The following ST8SIA6 variants were observed in gnomAD, a reference collection of about 807,000 sequenced individuals.
ST8SIA6 encodes the protein ST8 alpha-N-acetyl-neuraminide alpha-2,8-sialyltransferase 6.
Under a neutral mutation model 33.6 loss-of-function variants are expected in ST8SIA6, and 39 were observed. That is an observed-to-expected ratio of 1.16 (90% CI 0.90 to 1.52). The LOEUF is 1.52. Ranked by LOEUF, ST8SIA6 falls within the 40% of genes most tolerant of loss-of-function variation. The pLI is 0.00. For synonymous variants in ST8SIA6, 172 were observed against 167.2 expected, an observed-to-expected ratio of 1.03 and a Z score of -0.22; for missense variants, 441 against 443.8, an observed-to-expected ratio of 0.99 and a Z score of 0.06.
rs138671780 is a variant in ST8SIA6, at chr10:17,336,041, C to T, written c.378-4489G>A. On this transcript the variant is annotated intron_variant, in intron 4 of 7. Coordinates refer to ENST00000377602, the MANE Select transcript of ST8SIA6 (RefSeq NM_001004470.3). ...TGGGATCTTGGCTCACTGCAACCTCCATCTCCTGGGTTCAAGCAATTCTCC... is the reference window on the plus strand; with the variant it reads ...TGGGATCTTGGCTCACTGCAACCTCTATCTCCTGGGTTCAAGCAATTCTCC... 7.5e-3 allele frequency among the ~76,000 whole-genome samples: 1,135 copies of T among 151,966 alleles called. 14 individuals carry two copies. The highest frequency in any genetic ancestry group is 0.026 in the African/African-American group (1,066 of 41,408).
rs182567847 is a variant in ST8SIA6 at position 17,391,816 on chromosome 10, A to C, written c.201-1196T>G. 3.3e-5 allele frequency among the ~76,000 whole-genome samples: 5 copies of C among 152,314 alleles called. No homozygotes were observed. The East Asian group carries it at 9.6e-4, about 29-fold the overall frequency. On this transcript the variant is annotated intron_variant, in intron 2 of 7. Transcript: ENST00000377602. ...CCTCAGGGACATAGGCATGTTATTT[A>C]ACCCACTCCAGGCATAGACTTCCAT...
intron 3 of ST8SIA6, among the ~76,000 whole-genome samples, chr10:17,378,915 A>T (rs996047845): frequency 2.6e-5 from 4 of 152,138 alleles, no homozygotes; most frequent in African/African-American, 7.2e-5. Context: ...TCATGAGGTC[A>T]GGAGATCAAG....
Position 17,333,520 on chromosome 10 carries a change from C to T in ST8SIA6, c.378-1968G>A, listed in dbSNP as rs189030963. 2.6e-3 allele frequency among the ~76,000 whole-genome samples: 398 copies of T among 150,964 alleles called. 2 individuals are homozygous for T. Among genetic ancestry groups the T allele is most frequent in the Middle Eastern group, 6.8e-3 (2 of 292 alleles). On this transcript the variant is annotated intron_variant, in intron 4 of 7. Transcript: ENST00000377602. ...TACAAGGCTACAGTAACCAAAACAG[C>T]GTGGTACTGGTACCAAAACAGAGAG...
chr10:17,357,111 T>G (rs1849219857), intron 4 of ST8SIA6, among the ~76,000 whole-genome samples: 1 of 150,510 alleles, frequency 6.6e-6, no homozygotes, highest in Non-Finnish European at 1.5e-5. Flanking sequence ...GATGGAAATG[T>G]TTCAAAGTTG....
At chr10:17,390,222 A>G (rs959211807) in intron 3 of ST8SIA6, among the ~76,000 whole-genome samples, 2 of 152,080 alleles carry the variant, frequency 1.3e-5, no homozygotes, top group East Asian at 1.9e-4. Flanking sequence ...GCCTCAAGCA[A>G]TCCTCTAGCC....
chr10:17,341,900 CAAAAAAAA>C (rs71393004), intron 4 of ST8SIA6, among the ~76,000 whole-genome samples: 3 of 73,164 alleles, frequency 4.1e-5, no homozygotes, highest in African/African-American at 5.7e-5. Flanking sequence ...GGCTCCATCT[CAAAAAAAA>C]AAAAAAAAAA....
At chr10:17,369,056 T>C (rs1001191377) in intron 3 of ST8SIA6, among the ~76,000 whole-genome samples, 1 of 152,174 alleles carries the variant, frequency 6.6e-6, no homozygotes, top group African/African-American at 2.4e-5. Flanking sequence ...ATCCCACAGG[T>C]GATATGTAGT....
At chr10:17,410,355 A>G (rs1164852166) in intron 2 of ST8SIA6, 1 of 152,268 alleles carries the variant, frequency 6.6e-6, no homozygotes, top group East Asian at 1.9e-4. Flanking sequence ...TCAAAAAATA[A>G]TGATGATTTT....
intron 2 of ST8SIA6, among the ~76,000 whole-genome samples, chr10:17,435,473 G>A (rs1047351253): frequency 6.6e-6 from 1 of 152,102 alleles, no homozygotes; most frequent in Non-Finnish European, 1.5e-5. Flanking sequence ...TTCTCCTTTG[G>A]TAAAATGAGA....
intron 2 of ST8SIA6, among the ~76,000 whole-genome samples, chr10:17,439,597 AG>A (rs1359646625): frequency 5.9e-5 from 9 of 152,186 alleles, no homozygotes; most frequent in Non-Finnish European, 1.0e-4. Context: ...TAACTTTTTA[AG>A]AAACTGCCAA....
At chr10:17,337,704 A>G (rs1848550703) in intron 4 of ST8SIA6, among the ~76,000 whole-genome samples, 1 of 152,206 alleles carries the variant, frequency 6.6e-6, no homozygotes, top group Non-Finnish European at 1.5e-5. Context: ...GCTATTTCCC[A>G]TCACCCCTAA....
chr10:17,373,547 C>A (rs1175214858), intron 3 of ST8SIA6, among the ~76,000 whole-genome samples: 2 of 152,136 alleles, frequency 1.3e-5, no homozygotes, highest in Non-Finnish European at 2.9e-5. Context: ...ACTGATACTG[C>A]CAATAAAGCC....
At chr10:17,354,668 C>T (rs974216727) in intron 4 of ST8SIA6, among the ~76,000 whole-genome samples, 22 of 152,104 alleles carry the variant, frequency 1.4e-4, no homozygotes, top group African/African-American at 5.3e-4. Context: ...CAGACTCACA[C>T]CTATGCTTGG....
intron 4 of ST8SIA6, among the ~76,000 whole-genome samples, chr10:17,333,704 TATATATATA>T (rs1564405033): frequency 9.7e-4 from 29 of 30,034 alleles, no homozygotes; most frequent in Non-Finnish European, 1.3e-3. Context: ...TATATATATA[TATATATATA>T]TATATTTTTT....
At chr10:17,401,536 C>T (rs1328593920) in intron 2 of ST8SIA6, among the ~76,000 whole-genome samples, 2 of 152,186 alleles carry the variant, frequency 1.3e-5, no homozygotes, top group Non-Finnish European at 2.9e-5. Flanking sequence ...AATTATACTA[C>T]AAGGCTACAG....
intron 2 of ST8SIA6, among the ~76,000 whole-genome samples, chr10:17,438,529 C>A (rs1440994261): frequency 6.6e-6 from 1 of 152,112 alleles, no homozygotes; most frequent in East Asian, 1.9e-4. Flanking sequence ...ACACATATCT[C>A]AATTGGTATC....
rs11254603 is a variant in ST8SIA6, at chr10:17,446,558, G to A, written c.200+7001C>T. ...GAGCACAACAGAGAAGTGACACTTC[G>A]GAAAAGTAATTCAGTAACATGGAAG... On this transcript the variant is annotated intron_variant, in intron 2 of 7. Coordinates refer to ENST00000377602, the MANE Select transcript of ST8SIA6 (RefSeq NM_001004470.3). 6.5e-3 allele frequency among the ~76,000 whole-genome samples: 989 copies of A among 152,144 alleles called. 10 individuals carry two copies. Among genetic ancestry groups the A allele is most frequent in the African/African-American group, 0.023 (946 of 41,516 alleles).
chr10:17,396,183 C>T (rs1309839076), intron 2 of ST8SIA6, among the ~76,000 whole-genome samples: 12 of 152,208 alleles, frequency 7.9e-5, no homozygotes, highest in Admixed American at 7.9e-4. Context: ...GCATTTGTCA[C>T]ATCTTGACAG....
chr10:17,332,102 G>A (rs1444203752), intron 4 of ST8SIA6, among the ~76,000 whole-genome samples: 1 of 152,130 alleles, frequency 6.6e-6, no homozygotes, highest in East Asian at 1.9e-4. Flanking sequence ...CTTCATCCAT[G>A]TCCCTGCAAA....
Sources: gnomAD v4.1 joint callset for allele counts (sites outside exome capture counted in the v4.1 genomes callset) on GRCh38, gnomAD v4.1.1 for gene constraint, MANE v1.5 for transcripts, NCBI Gene and HGNC (gene_info 2026-07-23, HGNC 2026-07-21) for gene names.